Variants in NOX4 observed in about 807,000 individuals in gnomAD.
The protein encoded by NOX4 is NADPH oxidase 4.
A neutral mutation model predicts 87.6 loss-of-function variants in NOX4; 69 were observed. The ratio of observed to expected loss-of-function variants is 0.79; its 90% confidence interval spans 0.65 to 0.96. NOX4 has a LOEUF of 0.96. Ranked by LOEUF, NOX4 falls within the 40% of genes least tolerant of loss-of-function variation. The pLI is 0.00. For synonymous variants in NOX4, 275 were observed against 238.2 expected (o/e 1.15, Z -1.42); for missense variants, 680 against 681.5 (o/e 1.00, Z 0.02).
the NOX4 span, among the ~76,000 whole-genome samples, chr11:89,585,637 G>T: frequency 3.9e-5 from 6 of 152,152 alleles, no homozygotes; most frequent in African/African-American, 1.2e-4. Context: ...CAAGCAGCAG[G>T]CCAGATTTAA....
At chr11:89,399,329 A>AT (rs1377983264) in intron 11 of NOX4, among the ~76,000 whole-genome samples, 1 of 149,658 alleles carries the variant, frequency 6.7e-6, no homozygotes, top group Non-Finnish European at 1.5e-5. Context: ...GAGTATCCGT[A>AT]TTTCCCCTAA....
the NOX4 span, among the ~76,000 whole-genome samples, chr11:89,540,385 T>A: frequency 6.6e-6 from 1 of 152,100 alleles, no homozygotes; most frequent in Non-Finnish European, 1.5e-5. Context: ...AGCTAAGTAG[T>A]TTTTCAGCAT....
the NOX4 span, among the ~76,000 whole-genome samples, chr11:89,543,400 A>T: frequency 1.3e-5 from 2 of 152,110 alleles, no homozygotes; most frequent in Non-Finnish European, 1.5e-5. Flanking sequence ...TTGGTTCCTC[A>T]ATAAACAACA....
At chr11:89,434,979 G>A (rs762529394) in intron 6 of NOX4, among the ~76,000 whole-genome samples, 10 of 151,882 alleles carry the variant, frequency 6.6e-5, no homozygotes, top group Non-Finnish European at 1.0e-4. Flanking sequence ...GGCAAGATGC[G>A]TTATAAAAGA....
chr11:89,478,589 G>A (rs755134988), intron 2 of NOX4, among the ~76,000 whole-genome samples: 1 of 152,050 alleles, frequency 6.6e-6, no homozygotes, highest in Non-Finnish European at 1.5e-5. Flanking sequence ...TCAGAATGAC[G>A]GTCATAAAGG....
At chr11:89,438,971 TATA>T (rs1415155747) in intron 6 of NOX4, among the ~76,000 whole-genome samples, 1 of 97,522 alleles carries the variant, frequency 1.0e-5, no homozygotes, top group African/African-American at 3.8e-5. Context: ...ATATATAATA[TATA>T]ATTATATATT....
At chr11:89,396,584 C>CAG (rs1941503104) in intron 11 of NOX4, among the ~76,000 whole-genome samples, 1 of 151,892 alleles carries the variant, frequency 6.6e-6, no homozygotes, top group African/African-American at 2.4e-5. Context: ...ATCTCACGTG[C>CAG]AGAGATGCAC....
intron 13 of NOX4, among the ~76,000 whole-genome samples, chr11:89,343,461 A>T (rs1946087409): frequency 7.0e-6 from 1 of 143,636 alleles, no homozygotes; most frequent in Admixed American, 7.0e-5. Flanking sequence ...TTTTCATTTG[A>T]TTTTTTTTTT....
At chr11:89,503,724 T>C in the NOX4 span, among the ~76,000 whole-genome samples, 6 of 151,450 alleles carry the variant, frequency 4.0e-5, no homozygotes, top group Non-Finnish European at 8.9e-5. Flanking sequence ...TGTATAAGAT[T>C]AATGGGACAG....
At chr11:89,416,457 A>G (rs1942778808) in intron 8 of NOX4, among the ~76,000 whole-genome samples, 2 of 152,334 alleles carry the variant, frequency 1.3e-5, no homozygotes, top group Non-Finnish European at 1.5e-5. Flanking sequence ...ATACTTGGGT[A>G]TCAGCAGTCC....
At chr11:89,428,556 G>T (rs1440857147) in intron 7 of NOX4, among the ~76,000 whole-genome samples, 3 of 151,868 alleles carry the variant, frequency 2.0e-5, no homozygotes, top group African/African-American at 2.4e-5. Flanking sequence ...AAAGGCAGGG[G>T]TTGCAATCCT....
the NOX4 span, among the ~76,000 whole-genome samples, chr11:89,587,940 T>C: frequency 1.3e-5 from 2 of 152,312 alleles, no homozygotes. Flanking sequence ...CTTTATGTTT[T>C]CTCATTGCAA....
At chr11:89,507,424 TATA>T in the NOX4 span, among the ~76,000 whole-genome samples, 5 of 151,214 alleles carry the variant, frequency 3.3e-5, no homozygotes, top group Admixed American at 1.3e-4. Flanking sequence ...ACATACCATA[TATA>T]ATAATACACA....
intron 2 of NOX4, among the ~76,000 whole-genome samples, chr11:89,457,163 T>C (rs918894693): frequency 2.6e-5 from 4 of 152,186 alleles, no homozygotes; most frequent in African/African-American, 9.6e-5. Context: ...TCTCCCCATG[T>C]GGGCAGACCT....
chr11:89,347,197 G>T (rs771882812), intron 13 of NOX4, among the ~76,000 whole-genome samples: 15 of 152,292 alleles, frequency 9.8e-5, no homozygotes, highest in Middle Eastern at 3.4e-3. Context: ...CCACAAATAT[G>T]CAGACACACA....
At chr11:89,369,989 C>A (rs576143079) in intron 12 of NOX4, among the ~76,000 whole-genome samples, 20 of 151,696 alleles carry the variant, frequency 1.3e-4, no homozygotes, top group African/African-American at 4.8e-4. Flanking sequence ...CATGAAAAAT[C>A]TGAATAAAGC....
chr11:89,456,179 T>TGTACCC (rs1317581293), intron 2 of NOX4, among the ~76,000 whole-genome samples: 1 of 152,124 alleles, frequency 6.6e-6, no homozygotes, highest in Non-Finnish European at 1.5e-5. Context: ...ATGTGTATTT[T>TGTACCC]ATACATATAT....
intron 8 of NOX4, among the ~76,000 whole-genome samples, chr11:89,417,305 T>C (rs1279214745): frequency 3.9e-5 from 6 of 152,146 alleles, no homozygotes. Flanking sequence ...TCTGAGTTTT[T>C]CAAAAGAAAA....
At chr11:89,471,750 G>A (rs1945952823) in intron 2 of NOX4, among the ~76,000 whole-genome samples, 1 of 152,058 alleles carries the variant, frequency 6.6e-6, no homozygotes, top group African/African-American at 2.4e-5. Context: ...TTGTTTGTTT[G>A]TTTGGGTTTT....
Sources: gnomAD v4.1 joint callset for allele counts (sites outside exome capture counted in the v4.1 genomes callset) on GRCh38, gnomAD v4.1.1 for gene constraint, MANE v1.5 for transcripts, NCBI Gene and HGNC (gene_info 2026-07-23, HGNC 2026-07-21) for gene names.